SLC30A7: variants seen among roughly 807,000 people sequenced by gnomAD.
SLC30A7 encodes the protein solute carrier family 30 member 7, also known as zinc transporter 7.
In SLC30A7, 35 loss-of-function variants were observed where a neutral mutation model predicts 46.0. The observed-to-expected ratio is 0.76, with a 90% confidence interval of 0.58 to 1.01. The LOEUF is 1.01. Among genes scored for constraint, SLC30A7 ranks in the 50% least tolerant of loss-of-function variants. The pLI, the probability that SLC30A7 is intolerant of heterozygous loss-of-function variation, is 0.00. For missense variants in SLC30A7, 464 were observed against 451.1 expected, an observed-to-expected ratio of 1.03 and a Z score of -0.26; for synonymous variants, 147 against 157.8, an observed-to-expected ratio of 0.93 and a Z score of 0.51.
chr1:100,907,024 C>G, intron 3 of SLC30A7, 59 bp downstream of exon 3: 1 of 1,124,716 alleles, frequency 8.9e-7, no homozygotes, highest in Non-Finnish European at 1.3e-6. Context: ...CAAAAAAACA[C>G]TAATCTTAAG....
At chr1:100,920,570 T>C (rs1281119223) in intron 7 of SLC30A7, among the ~76,000 whole-genome samples, 1 of 151,994 alleles carries the variant, frequency 6.6e-6, no homozygotes, top group African/African-American at 2.4e-5. Context: ...TTATATTTAA[T>C]ATAATATTTG....
At chr1:100,935,202 C>G (rs1482275850) in intron 8 of SLC30A7, among the ~76,000 whole-genome samples, 1 of 152,214 alleles carries the variant, frequency 6.6e-6, no homozygotes, top group Non-Finnish European at 1.5e-5. Context: ...ATCATACTTT[C>G]AGAGAAAGTT....
chr1:100,970,316 C>G (rs1656086154), intron 10 of SLC30A7, among the ~76,000 whole-genome samples: 1 of 151,894 alleles, frequency 6.6e-6, no homozygotes, highest in Admixed American at 6.6e-5. Context: ...CTGAGAAGAC[C>G]AATATCTAAA....
intron 8 of SLC30A7, among the ~76,000 whole-genome samples, chr1:100,924,038 A>G (rs1235897472): frequency 1.3e-5 from 2 of 152,244 alleles, no homozygotes; most frequent in Non-Finnish European, 2.9e-5. Context: ...AATTCTGGCT[A>G]TAATTATGTC....
At chr1:100,950,637 G>A (rs774685775) in intron 8 of SLC30A7, among the ~76,000 whole-genome samples, 9 of 152,078 alleles carry the variant, frequency 5.9e-5, no homozygotes, top group Non-Finnish European at 1.3e-4. Flanking sequence ...ATTTTTTTCT[G>A]TGGGCTGGTC....
chr1:100,913,683 C>T lies in SLC30A7; in HGVS notation c.532C>T (p.Leu178Phe), dbSNP rs1255022198. 6.2e-7 allele frequency: 1 copy of T among 1,613,732 alleles called. No homozygotes were observed. Among genetic ancestry groups the T allele is most frequent in the Admixed American group, 1.7e-5 (1 of 59,982 alleles). Reference protein sequence around the residue: ...HGSGHGHSHSLFNGALDQAHG... With the variant: ...HGSGHGHSHSFFNGALDQAHG... ...TCTAGGCCACGGACACAGTCATTCC[C>T]TCTTTAATGGTGCTCTAGATCAGGC... Residue 178 changes from leucine (L) to phenylalanine (F), a missense_variant, in exon 6 of 11, where the codon CTC becomes TTC. Physicochemically the swap from Leu to Phe is conservative, Grantham distance 22. Transcript: ENST00000357650.
chr1:100,955,345 A>T (rs1428662175), intron 8 of SLC30A7, among the ~76,000 whole-genome samples: 1 of 152,108 alleles, frequency 6.6e-6, no homozygotes, highest in Non-Finnish European at 1.5e-5. Context: ...ATCTGTTAGC[A>T]TTTAAGGGTA....
chr1:100,941,733 C>T, intron 8 of SLC30A7: 1 of 639,910 alleles, frequency 1.6e-6, no homozygotes, highest in Non-Finnish European at 2.9e-6. Flanking sequence ...CCTTGTGTAG[C>T]TTTGCATTCA....
chr1:100,901,210 T>C (rs1651287280), intron 2 of SLC30A7, among the ~76,000 whole-genome samples: 1 of 152,184 alleles, frequency 6.6e-6, no homozygotes, highest in Admixed American at 6.5e-5. Flanking sequence ...TCTCATAAAT[T>C]CTTTTTACAT....
At chr1:100,905,979 A>G (rs1198920867) in intron 2 of SLC30A7, among the ~76,000 whole-genome samples, 1 of 152,152 alleles carries the variant, frequency 6.6e-6, no homozygotes, top group Non-Finnish European at 1.5e-5. Flanking sequence ...TAAAAGAATA[A>G]TAGAGACTGT....
chr1:100,988,742 C>T, the SLC30A7 span, among the ~76,000 whole-genome samples: 2 of 151,886 alleles, frequency 1.3e-5, no homozygotes, highest in African/African-American at 4.8e-5. Flanking sequence ...CCCAGCTACT[C>T]GGGAGGCTGA....
At chr1:100,940,998 T>A in intron 8 of SLC30A7, 1 of 368,128 alleles carries the variant, frequency 2.7e-6, no homozygotes, top group Non-Finnish European at 5.3e-6. Flanking sequence ...CCTGCTAAAC[T>A]TTATTTCCTA....
intron 7 of SLC30A7, among the ~76,000 whole-genome samples, chr1:100,920,956 A>G (rs776761168): frequency 7.9e-5 from 12 of 152,184 alleles, no homozygotes; most frequent in Admixed American, 2.0e-4. Flanking sequence ...GTTTTTTCAG[A>G]AAGTATTGTA....
intron 10 of SLC30A7, among the ~76,000 whole-genome samples, chr1:100,968,951 C>A (rs912102800): frequency 1.3e-5 from 2 of 152,136 alleles, no homozygotes; most frequent in African/African-American, 4.8e-5. Flanking sequence ...TTTTTAACCA[C>A]AAGCTCAAAA....
At chr1:100,958,048 C>T (rs1655322591) in intron 8 of SLC30A7, among the ~76,000 whole-genome samples, 1 of 152,172 alleles carries the variant, frequency 6.6e-6, no homozygotes, top group South Asian at 2.1e-4. Flanking sequence ...AACCAATATT[C>T]TTCACTGTCA....
chr1:100,905,389 T>C (rs1651588858), intron 2 of SLC30A7, among the ~76,000 whole-genome samples: 1 of 152,128 alleles, frequency 6.6e-6, no homozygotes, highest in Non-Finnish European at 1.5e-5. Context: ...GGAGGGTTTT[T>C]TCCTCGCTTG....
intron 8 of SLC30A7, among the ~76,000 whole-genome samples, chr1:100,960,335 A>C (rs1185075771): frequency 6.6e-6 from 1 of 152,094 alleles, no homozygotes; most frequent in East Asian, 1.9e-4. Context: ...CAGTCTCCTC[A>C]TTTCTTTCCT....
At chr1:100,931,016 A>G (rs1406884893) in intron 8 of SLC30A7, among the ~76,000 whole-genome samples, 1 of 152,018 alleles carries the variant, frequency 6.6e-6, no homozygotes, top group Non-Finnish European at 1.5e-5. Flanking sequence ...ATTGAGAAAT[A>G]GTCGCTAAAA....
At chr1:100,908,425 A>G (rs1478093866) in intron 3 of SLC30A7, among the ~76,000 whole-genome samples, 1 of 152,232 alleles carries the variant, frequency 6.6e-6, no homozygotes, top group African/African-American at 2.4e-5. Flanking sequence ...TTCTGTAAAA[A>G]TACAATAATA....
Sources: allele counts gnomAD v4.1 joint callset (sites outside exome capture counted in the v4.1 genomes callset), GRCh38; gene constraint gnomAD v4.1.1; transcripts MANE v1.5; gene names NCBI Gene and HGNC (gene_info 2026-07-23, HGNC 2026-07-21).